SPATA6: variants seen among roughly 807,000 people sequenced by gnomAD.
The protein encoded by SPATA6 is spermatogenesis associated 6.
SPATA6 carries 56 observed loss-of-function variants against 65.3 expected under a neutral mutation model. That is an observed-to-expected ratio of 0.86 (90% confidence interval 0.69 to 1.07). The LOEUF (loss-of-function observed/expected upper bound fraction) is 1.07. Ranked by LOEUF, SPATA6 falls within the 50% of genes least tolerant of loss-of-function variation. SPATA6 has a pLI of 0.00. For synonymous variants in SPATA6, 199 were observed against 213.2 expected (o/e 0.93, Z 0.58); for missense variants, 590 against 594.8 (o/e 0.99, Z 0.08).
the SPATA6 span, among the ~76,000 whole-genome samples, chr1:48,285,475 A>C: frequency 1.4e-5 from 1 of 69,040 alleles, no homozygotes; most frequent in African/African-American, 6.1e-5. Context: ...CCACTGGGGT[A>C]TGAAAAAAAA....
the SPATA6 span, among the ~76,000 whole-genome samples, chr1:48,283,686 A>AG: frequency 7.5e-6 from 1 of 133,852 alleles, no homozygotes; most frequent in Non-Finnish European, 1.6e-5. Flanking sequence ...CTCAAAAAAA[A>AG]AAAAAAAAAA....
chr1:48,434,259 G>GAAAAAAAAAAAAAAAAAA (rs530291772), intron 3 of SPATA6, among the ~76,000 whole-genome samples: 2 of 109,886 alleles, frequency 1.8e-5, no homozygotes, highest in Non-Finnish European at 1.8e-5. Flanking sequence ...AGCAGTGAAA[G>GAAAAAAAAAAAAAAAAAA]AAAAAAAAAA....
intron 4 of SPATA6, among the ~76,000 whole-genome samples, chr1:48,412,532 A>G (rs910244731): frequency 7.9e-5 from 12 of 152,242 alleles, no homozygotes; most frequent in Non-Finnish European, 1.5e-4. Context: ...ATCTTTCTGT[A>G]TATATTATTT....
the SPATA6 span, among the ~76,000 whole-genome samples, chr1:48,280,380 T>G: frequency 1.1e-3 from 159 of 151,104 alleles, no homozygotes; most frequent in African/African-American, 3.8e-3. Flanking sequence ...TTCAAAAAAT[T>G]AGTGAATACA....
intron 9 of SPATA6, among the ~76,000 whole-genome samples, chr1:48,371,583 G>A (rs1200953031): frequency 1.3e-5 from 2 of 152,258 alleles, no homozygotes; most frequent in East Asian, 1.9e-4. Context: ...TGGTAACACA[G>A]TTTAGCAAGA....
intron 11 of SPATA6, among the ~76,000 whole-genome samples, chr1:48,337,045 C>A (rs577988417): frequency 7.2e-5 from 11 of 152,044 alleles, no homozygotes; most frequent in Non-Finnish European, 5.9e-5. Context: ...TTCCCAACCA[C>A]TATTTCCTTT....
At chr1:48,408,140 T>C (rs1274425686) in intron 5 of SPATA6, among the ~76,000 whole-genome samples, 1 of 152,230 alleles carries the variant, frequency 6.6e-6, no homozygotes, top group Non-Finnish European at 1.5e-5. Flanking sequence ...TTTCTTGGAA[T>C]AGGGCATATC....
Position 48,367,070 on chromosome 1 carries a change from G to A in SPATA6, c.910-7300C>T, listed in dbSNP as rs373011184. 1.6e-3 allele frequency among the ~76,000 whole-genome samples: 249 copies of A among 152,208 alleles called. 7 individuals are homozygous for A. In the East Asian group the frequency reaches 0.03, roughly 18 times the overall value. ...CATTATGTACTCAGTAGTCATTCAG[G>A]AGCAGGTTGTTCAGTTTCCATGTAG... is the stretch of plus-strand genomic sequence containing the variant. On this transcript the variant is annotated intron_variant, in intron 9 of 12. Coordinates refer to ENST00000371847, the MANE Select transcript of SPATA6 (RefSeq NM_019073.4).
At chr1:48,322,773 C>T (rs1226473944) in intron 11 of SPATA6, among the ~76,000 whole-genome samples, 1 of 152,190 alleles carries the variant, frequency 6.6e-6, no homozygotes, top group African/African-American at 2.4e-5. Context: ...TATGAACAGA[C>T]ACTTCTCAAA....
chr1:48,467,935 G>A (rs1024583682), intron 1 of SPATA6, among the ~76,000 whole-genome samples: 2 of 152,106 alleles, frequency 1.3e-5, no homozygotes, highest in East Asian at 1.9e-4. Flanking sequence ...CTTGTACACC[G>A]TTGGTAGAAA....
intron 3 of SPATA6, chr1:48,436,190 A>C: frequency 1.2e-6 from 2 of 1,612,148 alleles, no homozygotes; most frequent in Non-Finnish European, 8.5e-7. Flanking sequence ...ACTTCTGTCC[A>C]TCTTGCATGG....
the SPATA6 span, among the ~76,000 whole-genome samples, chr1:48,275,420 T>C: frequency 6.6e-6 from 1 of 152,204 alleles, no homozygotes; most frequent in Non-Finnish European, 1.5e-5. Context: ...CTTTTGCTGG[T>C]TTTGAAAGGG....
At chr1:48,436,802 A>G in intron 3 of SPATA6, 1 of 1,614,160 alleles carries the variant, frequency 6.2e-7, no homozygotes, top group Non-Finnish European at 8.5e-7. Context: ...ATGCTGTTAC[A>G]GAAACTGAAA....
rs917361906 is a variant in SPATA6 at position 48,296,353 on chromosome 1, A to G, written c.*2360T>C. The G allele has an allele frequency of 6.6e-6, 1 of 152,182 alleles. No homozygotes were observed. The highest frequency in any genetic ancestry group is 6.5e-5 in the Admixed American group (1 of 15,284). The allele number at this position is 152,182 out of a possible 1,614,324, so 9.4% of individuals were successfully genotyped here. A position where few individuals can be genotyped will look rare whatever the true frequency, so the allele number is the denominator to read the frequency against. The stretch of plus-strand genomic sequence containing the variant: ...TAATCAGACACTTAGCAAAGATGCT[A>G]TTAGTATCTGGGAATTTGCCCCCAA... On this transcript the variant is annotated 3_prime_UTR_variant, in exon 13 of 13. Coordinates refer to ENST00000371847, the MANE Select transcript of SPATA6 (RefSeq NM_019073.4).
At chr1:48,358,681 G>T (rs1646724725) in intron 10 of SPATA6, among the ~76,000 whole-genome samples, 1 of 152,120 alleles carries the variant, frequency 6.6e-6, no homozygotes, top group African/African-American at 2.4e-5. Context: ...TGTTATTGTT[G>T]TTGTTTGTGT....
chr1:48,395,866 AT>A (rs200413545), intron 7 of SPATA6, among the ~76,000 whole-genome samples: 1 of 151,874 alleles, frequency 6.6e-6, no homozygotes, highest in East Asian at 1.9e-4. Flanking sequence ...TATAAAAAAA[AT>A]TCCTATTGAT....
At chr1:48,419,659 C>CTT (rs747730183) in intron 3 of SPATA6, among the ~76,000 whole-genome samples, 10 of 152,128 alleles carry the variant, frequency 6.6e-5, no homozygotes, top group Admixed American at 1.3e-4. Flanking sequence ...GGGTAGGTTA[C>CTT]TTTTAGGACA....
the SPATA6 span, among the ~76,000 whole-genome samples, chr1:48,263,700 C>T: frequency 6.6e-6 from 1 of 152,200 alleles, no homozygotes; most frequent in Non-Finnish European, 1.5e-5. Flanking sequence ...ACTCATACTA[C>T]TCATTGACTC....
chr1:48,319,312 A>G (rs1053942257), intron 11 of SPATA6, among the ~76,000 whole-genome samples: 6 of 152,210 alleles, frequency 3.9e-5, no homozygotes, highest in Non-Finnish European at 8.8e-5. Context: ...AGTATTAGGA[A>G]GGTGGAAGAC....
Sources: gnomAD v4.1 joint callset for allele counts (sites outside exome capture counted in the v4.1 genomes callset) on GRCh38, gnomAD v4.1.1 for gene constraint, MANE v1.5 for transcripts, NCBI Gene and HGNC (gene_info 2026-07-23, HGNC 2026-07-21) for gene names.